Variants in COMMD10 observed in about 807,000 individuals in gnomAD.
The protein encoded by COMMD10 is COMM domain containing 10.
In COMMD10, 33 loss-of-function variants were observed where a neutral mutation model predicts 28.9. That is an observed-to-expected ratio of 1.14 (90% CI 0.87 to 1.53). The LOEUF (loss-of-function observed/expected upper bound fraction) is 1.53, where lower values mean the gene tolerates loss of function less well. COMMD10 is among the 40% of genes most tolerant of loss of function. COMMD10 has a pLI of 0.00. For synonymous variants in COMMD10, 110 were observed against 81.7 expected, an observed-to-expected ratio of 1.35 and a Z score of -1.87; for missense variants, 310 against 233.4, an observed-to-expected ratio of 1.33 and a Z score of -2.14.
chr5:116,242,884 A>G (rs1749848689), intron 5 of COMMD10, among the ~76,000 whole-genome samples: 3 of 152,198 alleles, frequency 2.0e-5, no homozygotes, highest in Admixed American at 1.3e-4. Context: ...TTCAAAAAAG[A>G]AATGCATTTG....
intron 5 of COMMD10, among the ~76,000 whole-genome samples, chr5:116,273,833 G>T (rs748764115): frequency 3.0e-4 from 46 of 151,354 alleles, no homozygotes; most frequent in Non-Finnish European, 5.7e-4. Flanking sequence ...ATAATACTTG[G>T]AACTAAAGTC....
intron 5 of COMMD10, among the ~76,000 whole-genome samples, chr5:116,140,660 TC>T (rs1302488069): frequency 6.6e-6 from 1 of 151,964 alleles, no homozygotes; most frequent in Non-Finnish European, 1.5e-5. Context: ...TGTTTGCATT[TC>T]CCTAATGGTT....
intron 5 of COMMD10, among the ~76,000 whole-genome samples, chr5:116,181,073 G>C (rs1234475977): frequency 6.6e-6 from 1 of 152,072 alleles, no homozygotes; most frequent in Non-Finnish European, 1.5e-5. Flanking sequence ...GAGCCTGGGA[G>C]GTTGAAGCTG....
At chr5:116,194,396 G>A (rs1748452691) in intron 5 of COMMD10, among the ~76,000 whole-genome samples, 2 of 152,052 alleles carry the variant, frequency 1.3e-5, no homozygotes, top group South Asian at 4.1e-4. Context: ...TCTTTGAAAA[G>A]ATAAAAAAAT....
chr5:116,263,631 T>C (rs1349324050), intron 5 of COMMD10, among the ~76,000 whole-genome samples: 1 of 151,710 alleles, frequency 6.6e-6, no homozygotes, highest in Non-Finnish European at 1.5e-5. Context: ...CCAATAAAAC[T>C]TGGTCTCCAC....
In COMMD10 at chr5:116,232,760, G is replaced by A. The variant is rs187965699; in HGVS notation, c.511-58757G>A. Among the ~76,000 whole-genome samples, 806 of 152,160 alleles carry A rather than the reference G, an allele frequency of 5.3e-3. 6 individuals are homozygous for A. Among genetic ancestry groups the A allele is most frequent in the Non-Finnish European group, 6.1e-3 (415 of 68,002 alleles). On this transcript the variant is annotated intron_variant, in intron 5 of 6. Coordinates refer to ENST00000274458, the MANE Select transcript of COMMD10 (RefSeq NM_016144.4). ...GCTGAAAAATGTTATAAAATTTGAC[G>A]TTGAATAATTCATTAGACATGAAAT...
chr5:116,163,231 T>C (rs1752976093), intron 5 of COMMD10, among the ~76,000 whole-genome samples: 1 of 142,188 alleles, frequency 7.0e-6, no homozygotes, highest in Admixed American at 6.9e-5. Flanking sequence ...TTTAAAAGCA[T>C]CTTTGTAATT....
At chr5:116,111,979 T>C (rs966402695) in intron 4 of COMMD10, among the ~76,000 whole-genome samples, 1 of 152,192 alleles carries the variant, frequency 6.6e-6, no homozygotes, top group Non-Finnish European at 1.5e-5. Context: ...AGAATTGTTA[T>C]GTCCTCTTGT....
At chr5:116,290,784 G>A (rs1156240609) in intron 5 of COMMD10, among the ~76,000 whole-genome samples, 1 of 152,104 alleles carries the variant, frequency 6.6e-6, no homozygotes, top group South Asian at 2.1e-4. Context: ...GCAGTCTTAA[G>A]CAAATTGTTT....
At chr5:116,206,017 A>G (rs1221175373) in intron 5 of COMMD10, among the ~76,000 whole-genome samples, 2 of 152,184 alleles carry the variant, frequency 1.3e-5, no homozygotes, top group African/African-American at 4.8e-5. Flanking sequence ...TTGAGAAACA[A>G]AGTTGAATAA....
intron 2 of COMMD10, among the ~76,000 whole-genome samples, chr5:116,090,686 C>T (rs1188361397): frequency 6.6e-6 from 1 of 152,128 alleles, no homozygotes; most frequent in Admixed American, 6.6e-5. Flanking sequence ...GAAATGACTG[C>T]TGATCATGAA....
intron 5 of COMMD10, among the ~76,000 whole-genome samples, chr5:116,212,328 A>G (rs1241829617): frequency 2.0e-5 from 3 of 152,264 alleles, no homozygotes; most frequent in East Asian, 3.9e-4. Context: ...CTCTCCAGGC[A>G]TCCTTTTATC....
chr5:116,170,585 A>G (rs550826803), intron 5 of COMMD10, among the ~76,000 whole-genome samples: 179 of 152,284 alleles, frequency 1.2e-3, no homozygotes, highest in Non-Finnish European at 1.7e-3. Context: ...ACTTAAAACT[A>G]TACTACAAGG....
chr5:116,248,175 A>G (rs2112670609), intron 5 of COMMD10, among the ~76,000 whole-genome samples: 1 of 151,918 alleles, frequency 6.6e-6, no homozygotes, highest in Non-Finnish European at 1.5e-5. Flanking sequence ...TAAGCTCTAT[A>G]CCAGCATGTG....
In COMMD10 at chr5:116,292,844, G is replaced by T. The variant is rs977515394; in HGVS notation, c.*355G>T. 2.5e-5 allele frequency: 10 copies of T among 394,796 alleles called. No individual in the cohort carries two copies. Among genetic ancestry groups the T allele is most frequent in the Non-Finnish European group, 4.5e-5 (10 of 224,220 alleles). 24.5% of individuals were successfully genotyped at this position (394,796 alleles called of 1,614,324 possible). A position where few individuals can be genotyped will look rare whatever the true frequency, so the allele number is the denominator to read the frequency against. On this transcript the variant is annotated 3_prime_UTR_variant, in exon 7 of 7. Coordinates refer to ENST00000274458, the MANE Select transcript of COMMD10 (RefSeq NM_016144.4). ...CATAATGTATCAAGGAGCGTCCATGGATACAAGATAAGATGTGTACCTTAG... is the reference window on the plus strand; with the variant it reads ...CATAATGTATCAAGGAGCGTCCATGTATACAAGATAAGATGTGTACCTTAG...
intron 4 of COMMD10, among the ~76,000 whole-genome samples, chr5:116,130,241 A>G (rs1312414422): frequency 6.6e-6 from 1 of 151,924 alleles, no homozygotes; most frequent in African/African-American, 2.4e-5. Flanking sequence ...CTCCGGGTAT[A>G]GCACTGATAA....
At chr5:116,221,383 T>A (rs963171516) in intron 5 of COMMD10, among the ~76,000 whole-genome samples, 1 of 152,164 alleles carries the variant, frequency 6.6e-6, no homozygotes, top group Non-Finnish European at 1.5e-5. Flanking sequence ...TTAAATTCTT[T>A]CTGTGTTACA....
At chr5:116,204,523 G>A (rs1415768175) in intron 5 of COMMD10, among the ~76,000 whole-genome samples, 2 of 151,510 alleles carry the variant, frequency 1.3e-5, no homozygotes, top group Non-Finnish European at 2.9e-5. Flanking sequence ...TGCCATTTTT[G>A]AGGAGGAAAT....
chr5:116,086,849 C>T (rs1561592175), intron 1 of COMMD10, among the ~76,000 whole-genome samples: 2 of 152,016 alleles, frequency 1.3e-5, no homozygotes, highest in South Asian at 2.1e-4. Context: ...CTGTGGCCCG[C>T]GCATGTAGTT....
Sources: gnomAD v4.1 joint callset for allele counts (sites outside exome capture counted in the v4.1 genomes callset) on GRCh38, gnomAD v4.1.1 for gene constraint, MANE v1.5 for transcripts, NCBI Gene and HGNC (gene_info 2026-07-23, HGNC 2026-07-21) for gene names.